RAD21: variants seen among roughly 807,000 people sequenced by gnomAD.
The protein encoded by RAD21 is RAD21 cohesin complex component, also known as double-strand-break repair protein rad21 homolog.
RAD21 carries 18 observed loss-of-function variants against 71.5 expected under a neutral mutation model. The observed-to-expected ratio is 0.25, with a 90% CI of 0.17 to 0.37. The LOEUF (loss-of-function observed/expected upper bound fraction) is 0.37, where lower values mean the gene tolerates loss of function less well. RAD21 is among the 10% of genes least tolerant of loss of function. RAD21 has a pLI of 1.00. For synonymous variants in RAD21, 248 were observed against 254.0 expected (o/e 0.98, Z 0.22); for missense variants, 493 against 769.1 (o/e 0.64, Z 4.25).
chr8:116,849,591 C>G (rs1364603424), intron 12 of RAD21: 1 of 152,122 alleles, frequency 6.6e-6, no homozygotes, highest in Admixed American at 6.6e-5. Flanking sequence ...CTTGAGCAAC[C>G]TAGTTCTCAG....
At chr8:116,874,404 C>A in intron 1 of RAD21, 1 of 188,230 alleles carries the variant, frequency 5.3e-6, no homozygotes, top group Non-Finnish European at 1.1e-5. Flanking sequence ...TGGGTCCGGG[C>A]CGAGGGCGGG....
intron 1 of RAD21, among the ~76,000 whole-genome samples, chr8:116,870,104 T>C (rs2130491382): frequency 6.6e-6 from 1 of 152,344 alleles, no homozygotes; most frequent in South Asian, 2.1e-4. Context: ...GAAATTCTCA[T>C]TCTCTGAATC....
chr8:116,861,354 ACTCT>A (rs1225844342), intron 4 of RAD21, among the ~76,000 whole-genome samples: 3 of 151,082 alleles, frequency 2.0e-5, no homozygotes, highest in Non-Finnish European at 4.4e-5. Context: ...TCTCTGTGTA[ACTCT>A]CTCCTCTCAA....
chr8:116,849,078 A>T (rs749959483), intron 12 of RAD21, 49 bp from the exon 13 acceptor site: 1 of 1,406,582 alleles, frequency 7.1e-7, no homozygotes, highest in South Asian at 1.4e-5. Flanking sequence ...TCCAATGAAA[A>T]ATGAAGTATT....
At chr8:116,864,660 A>T (rs1212121078) in intron 2 of RAD21, among the ~76,000 whole-genome samples, 1 of 152,128 alleles carries the variant, frequency 6.6e-6, no homozygotes, top group Admixed American at 6.6e-5. Context: ...ATATTGATTG[A>T]ACCTTCACCT....
chr8:116,856,539 T>G (rs558198814), intron 7 of RAD21, 107 bp downstream of exon 7: 1 of 1,306,926 alleles, frequency 7.7e-7, no homozygotes, highest in East Asian at 2.6e-5. Flanking sequence ...TTAAAGATAT[T>G]TATAATTCAC....
intron 1 of RAD21, among the ~76,000 whole-genome samples, chr8:116,869,767 C>CT (rs1812772336): frequency 6.6e-6 from 1 of 151,916 alleles, no homozygotes; most frequent in South Asian, 2.1e-4. Flanking sequence ...ACATCAAATG[C>CT]TGAAAGACAC....
chr8:116,857,244 G>C (rs1282842031), intron 6 of RAD21, 23 bp downstream of exon 6: 4 of 1,580,928 alleles, frequency 2.5e-6, no homozygotes, highest in Non-Finnish European at 3.5e-6. Flanking sequence ...GTTTATGCTG[G>C]AATAACCATC....
rs1052571839 is a variant in RAD21, at chr8:116,862,395, T to A, written c.275-455A>T. ...GAAAGACAAAAAAAAGCATGTTATTTAGATAAAATGTGCTTATTGGTCACA... is the reference window on the plus strand; with the variant it reads ...GAAAGACAAAAAAAAGCATGTTATTAAGATAAAATGTGCTTATTGGTCACA... On this transcript the variant is annotated intron_variant, in intron 3 of 13. Transcript: ENST00000297338. Among the ~76,000 whole-genome samples the A allele has an allele frequency of 3.2e-4, 49 of 152,224 alleles. 1 individual carries two copies. The highest frequency in any genetic ancestry group is 3.2e-3 in the Admixed American group (49 of 15,266).
chr8:116,861,079 GA>G (rs1812583309), intron 4 of RAD21, among the ~76,000 whole-genome samples: 1 of 151,914 alleles, frequency 6.6e-6, no homozygotes, highest in Non-Finnish European at 1.5e-5. Flanking sequence ...CAAAAAGAGA[GA>G]AAAAAGTAAA....
chr8:116,856,566 T>TA, intron 7 of RAD21, 80 bp downstream of exon 7: 1 of 1,407,620 alleles, frequency 7.1e-7, no homozygotes, highest in South Asian at 1.6e-5. Context: ...CTACAACTTT[T>TA]AGTTTGTCAT....
intron 2 of RAD21, among the ~76,000 whole-genome samples, chr8:116,865,291 C>T (rs1047141620): frequency 3.3e-5 from 5 of 152,026 alleles, no homozygotes; most frequent in South Asian, 2.1e-4. Flanking sequence ...ACAAAGTACT[C>T]GGTACATATC....
At chr8:116,855,256 A>G (rs1299078246) in intron 8 of RAD21, among the ~76,000 whole-genome samples, 1 of 152,198 alleles carries the variant, frequency 6.6e-6, no homozygotes, top group African/African-American at 2.4e-5. Context: ...CAAAAGGGTA[A>G]TCTTGCTCTA....
intron 4 of RAD21, among the ~76,000 whole-genome samples, chr8:116,861,411 G>C (rs1213028057): frequency 6.6e-6 from 1 of 150,484 alleles, no homozygotes; most frequent in Non-Finnish European, 1.5e-5. Flanking sequence ...TTCATAAAAA[G>C]TTATCTCGTA....
intron 13 of RAD21, 61 bp downstream of exon 13, chr8:116,848,885 C>A: frequency 7.4e-7 from 1 of 1,345,956 alleles, no homozygotes; most frequent in Admixed American, 2.4e-5. Context: ...TTTTTTTTTT[C>A]AGGGAACAAT....
rs1812419616 is a variant in RAD21 at position 116,854,334 on chromosome 8, T to C, written c.1072A>G (p.Lys358Glu). 1 of 1,613,662 alleles carries C rather than the reference T, an allele frequency of 6.2e-7. No homozygotes were observed. Among genetic ancestry groups the C allele is most frequent in the Admixed American group, 1.7e-5 (1 of 59,924 alleles). ...GTCTCTTTCCACATCATCAATTTCT[T>C]GGTGGGCGGTGCCAGATCCAAAGTA... is the stretch of plus-strand genomic sequence containing the variant. ...VTTLDLAPPT[K>E]KLMMWKETGG... The change falls in exon 9 of 14, where the codon AAG (lysine) becomes GAG (glutamate). Residue 358 changes from lysine (K) to glutamate (E), a missense_variant. Physicochemically the swap from Lys to Glu is moderately conservative, Grantham distance 56 (BLOSUM62 1). This residue lies in a region of RAD21 where 42 missense variants were observed against 117.2 expected (regional missense o/e 0.36). Transcript: ENST00000297338.
At chr8:116,851,855 A>G in intron 11 of RAD21, 93 bp downstream of exon 11, 1 of 1,377,768 alleles carries the variant, frequency 7.3e-7, no homozygotes, top group South Asian at 1.4e-5. Context: ...TTCTGTCAAA[A>G]CCAAGATACT....
rs376740145 is a variant in RAD21 at position 116,856,655 on chromosome 8, T to C, written c.805A>G (p.Asn269Asp). Residue 269 changes from asparagine (N) to aspartate (D), a missense_variant, in exon 7 of 14, where the codon AAT becomes GAT. By Grantham distance (23) the Asn-to-Asp change is conservative. Around this residue, in one of 5 missense-constraint regions of RAD21, gnomAD observed 165 missense variants for 229.6 expected, o/e 0.72. Coordinates refer to ENST00000297338, the MANE Select transcript of RAD21 (RefSeq NM_006265.3). ...AACATGAAATGCTTACTTGATACAT[T>C]ATCATCCTCATCCATATCGTCATGT... ...PAHDDMDEDD[N>D]VSMGGPDSPD... 5.6e-6 allele frequency: 9 copies of C among 1,596,204 alleles called. No individual in the cohort carries two copies. The highest frequency in any genetic ancestry group is 1.7e-5 in the Admixed American group (1 of 57,536).
At chr8:116,850,405 C>G (rs997966601) in intron 12 of RAD21, among the ~76,000 whole-genome samples, 5 of 152,134 alleles carry the variant, frequency 3.3e-5, no homozygotes, top group African/African-American at 1.2e-4. Flanking sequence ...CCTTCAAAAC[C>G]CCACAAGAGA....
Sources: gnomAD v4.1 joint callset for allele counts (sites outside exome capture counted in the v4.1 genomes callset) on GRCh38, gnomAD v4.1.1 for gene constraint, gnomAD v4.1.1 regional missense constraint, MANE v1.5 for transcripts, NCBI Gene and HGNC (gene_info 2026-07-23, HGNC 2026-07-21) for gene names.